CCDC88C: variants seen among roughly 807,000 people sequenced by gnomAD.
The protein encoded by CCDC88C is protein Daple.
Under a neutral mutation model 198.8 loss-of-function variants are expected in CCDC88C, and 131 were observed. That is an observed-to-expected ratio of 0.66 (90% confidence interval 0.57 to 0.76). The LOEUF (loss-of-function observed/expected upper bound fraction) is 0.76. Among genes scored for constraint, CCDC88C ranks in the 30% least tolerant of loss-of-function variants. The pLI is 0.00. For synonymous variants in CCDC88C, 1,166 were observed against 1,114.7 expected (o/e 1.05, Z -0.92); for missense variants, 2,553 against 2,631.6 (o/e 0.97, Z 0.65).
intron 23 of CCDC88C, among the ~76,000 whole-genome samples, chr14:91,293,659 GT>G (rs907425880): frequency 4.0e-5 from 6 of 148,150 alleles, no homozygotes; most frequent in African/African-American, 9.9e-5. Context: ...AACTCCCCCT[GT>G]TTTTTTTCCA....
At chr14:91,417,370 C>A (rs928246688) in intron 1 of CCDC88C, 43 of 588,824 alleles carry the variant, frequency 7.3e-5, no homozygotes, top group Non-Finnish European at 1.1e-4. Flanking sequence ...CCAGCGGGAA[C>A]AGGTGTACCC....
intron 6 of CCDC88C, among the ~76,000 whole-genome samples, chr14:91,341,968 CAG>C (rs917868294): frequency 5.2e-4 from 79 of 152,310 alleles, no homozygotes; most frequent in African/African-American, 1.8e-3. Context: ...ATGTCACTGA[CAG>C]AAGCAGAGAA....
chr14:91,343,555 TGGCTG>T (rs1457221685), intron 5 of CCDC88C, 39 bp downstream of exon 5: 1 of 1,611,744 alleles, frequency 6.2e-7, no homozygotes, highest in African/African-American at 1.3e-5. Flanking sequence ...CAATATGAGA[TGGCTG>T]GGGTAGGTCC....
Position 91,273,316 on chromosome 14 carries a change from G to T in CCDC88C, c.5396C>A (p.Ala1799Asp), listed in dbSNP as rs549023833. ...CAGGCTGAAGGCCCGGCTCAAGGAG[G>T]CACTGCGGCTGGCAGGTGCATGGGA... Reference protein sequence around the residue: ...PASHAPASRSASLSRAFSLAS... With the variant: ...PASHAPASRSDSLSRAFSLAS... Residue 1799 changes from alanine to aspartate, a missense_variant, in exon 30 of 30, where the codon GCC becomes GAC. Ala to Asp is a moderately radical substitution (Grantham distance 126). Transcript: ENST00000389857. The surrounding 1 kb of genome is among the most constrained non-coding windows in gnomAD (Gnocchi z 5.6). 1.9e-6 allele frequency: 3 copies of T among 1,555,124 alleles called. No homozygotes were observed. Among genetic ancestry groups the T allele is most frequent in the Non-Finnish European group, 2.6e-6 (3 of 1,148,114 alleles).
intron 16 of CCDC88C, 137 bp from the exon 17 acceptor site, chr14:91,308,629 C>T (rs1891662623): frequency 1.1e-6 from 1 of 918,330 alleles, no homozygotes; most frequent in Admixed American, 2.1e-5. Context: ...CAGAAGAACT[C>T]ACGAGCCAAA....
intron 21 of CCDC88C, among the ~76,000 whole-genome samples, chr14:91,299,651 T>C (rs775888077): frequency 6.6e-6 from 1 of 152,216 alleles, no homozygotes; most frequent in Non-Finnish European, 1.5e-5. Flanking sequence ...GATGATGAAT[T>C]CACCTGTGCC....
rs563886413 is a variant in CCDC88C, at chr14:91,309,055, C to T, written c.2865-563G>A. Among the ~76,000 whole-genome samples, 5 of 152,196 alleles carry T rather than the reference C, an allele frequency of 3.3e-5. No individual in the cohort carries two copies. The South Asian group carries it at 8.3e-4, about 25-fold the overall frequency. ...CAGTCTGGCCAACATGGTGAAACCC[C>T]GTCTCTACTAAAAAAATACAAAAAT... On this transcript the variant is annotated intron_variant, in intron 16 of 29. Coordinates refer to ENST00000389857, the MANE Select transcript of CCDC88C (RefSeq NM_001080414.4).
chr14:91,333,037 G>C (rs538275012), intron 10 of CCDC88C, among the ~76,000 whole-genome samples: 5 of 152,192 alleles, frequency 3.3e-5, no homozygotes, highest in Non-Finnish European at 7.3e-5. Flanking sequence ...CTCTTCATCT[G>C]CAACCATATT....
intron 2 of CCDC88C, among the ~76,000 whole-genome samples, chr14:91,414,632 C>T (rs1352536107): frequency 1.3e-5 from 2 of 152,176 alleles, no homozygotes; most frequent in Non-Finnish European, 2.9e-5. Flanking sequence ...ATTCTGATGA[C>T]CCATGCAGGA....
chr14:91,311,268 G>A (rs1891811405), intron 15 of CCDC88C, among the ~76,000 whole-genome samples: 3 of 152,220 alleles, frequency 2.0e-5, no homozygotes, highest in Admixed American at 2.0e-4. Context: ...AACGAGCCGG[G>A]GCTCTGCCTG....
At chr14:91,293,553 C>CAT (rs1567055867) in intron 23 of CCDC88C, among the ~76,000 whole-genome samples, 1,148 of 50,186 alleles carry the variant, frequency 0.023, 330 homozygotes, top group Middle Eastern at 0.055. Context: ...CCTTCCTGTC[C>CAT]CCTCGCCTGC....
chr14:91,383,944 C>G (rs1330811599), intron 3 of CCDC88C, among the ~76,000 whole-genome samples: 1 of 152,222 alleles, frequency 6.6e-6, no homozygotes, highest in African/African-American at 2.4e-5. Context: ...TCTGTTACTA[C>G]TATAAACACC....
intron 18 of CCDC88C, among the ~76,000 whole-genome samples, chr14:91,306,282 T>C (rs949442727): frequency 1.1e-4 from 16 of 152,316 alleles, no homozygotes; most frequent in South Asian, 1.0e-3. Flanking sequence ...ACTCCAACCC[T>C]GAGTATCTCA....
At chr14:91,378,714 AT>A (rs1329161187) in intron 3 of CCDC88C, 1 of 152,248 alleles carries the variant, frequency 6.6e-6, no homozygotes. Context: ...TTTTAACTTT[AT>A]TTTTAAAAGG....
intron 3 of CCDC88C, among the ~76,000 whole-genome samples, chr14:91,365,254 G>C (rs1437125195): frequency 6.6e-6 from 1 of 152,156 alleles, no homozygotes; most frequent in Non-Finnish European, 1.5e-5. Context: ...CAGAATGAGA[G>C]GCAGGACAGA....
Position 91,338,057 on chromosome 14 carries a change from G to A in CCDC88C, c.998C>T (p.Thr333Ile). The change falls in exon 10 of 30, where the codon ACC becomes ATC. Residue 333 changes from threonine (T) to isoleucine (I), a missense_variant. By Grantham distance (89) the Thr-to-Ile change is moderately conservative. This residue lies in a region of CCDC88C where 1,260 missense variants were observed against 1,412.0 expected (regional missense o/e 0.89). Transcript: ENST00000389857. The surrounding 1 kb of genome is among the most constrained non-coding windows in gnomAD (Gnocchi z 4.8). ...NRVERLELEL[T>I]RCKEKLHDVD... ...GTCGTGCAGCTTCTCCTTGCAGCGG[G>A]TCAGCTCCAGCTCCAGCCTCTCCAC... 6.2e-7 allele frequency: 1 copy of A among 1,613,662 alleles called. No individual in the cohort carries two copies. The highest frequency in any genetic ancestry group is 8.5e-7 in the Non-Finnish European group (1 of 1,179,888).
chr14:91,321,107 G>C lies in CCDC88C; in HGVS notation c.1527+13C>G. ...TTCTGTGCTTCCCCGGTGGCCTAAG[G>C]AGGCCGAGGTACCTTCTTGCTGAGC... On this transcript the variant is annotated intron_variant, in intron 13 of 29. Transcript: ENST00000389857. 1 of 1,600,200 alleles carries C rather than the reference G, an allele frequency of 6.2e-7. No homozygotes were observed. Among genetic ancestry groups the C allele is most frequent in the Non-Finnish European group, 8.5e-7 (1 of 1,173,024 alleles).
intron 2 of CCDC88C, among the ~76,000 whole-genome samples, chr14:91,416,368 C>T (rs371208223): frequency 2.5e-4 from 38 of 152,322 alleles, no homozygotes; most frequent in African/African-American, 8.7e-4. Flanking sequence ...CCCACCCCGA[C>T]ACTTCCTGTA....
At chr14:91,397,456 ACACACTCT>A (rs1885915581) in intron 3 of CCDC88C, among the ~76,000 whole-genome samples, 1 of 151,780 alleles carries the variant, frequency 6.6e-6, no homozygotes, top group Admixed American at 6.6e-5. Context: ...ACACACTCAC[ACACACTCT>A]CACACTCACA....
Sources: allele counts gnomAD v4.1 joint callset (sites outside exome capture counted in the v4.1 genomes callset), GRCh38; gene constraint gnomAD v4.1.1; regional missense constraint gnomAD v4.1.1; non-coding constraint Gnocchi (gnomAD v3.1); transcripts MANE v1.5; gene names NCBI Gene and HGNC (gene_info 2026-07-23, HGNC 2026-07-21).